The following SFMBT2 variants were observed in gnomAD, a reference collection of about 807,000 sequenced individuals.
SFMBT2 encodes the protein Scm like with four mbt domains 2.
A neutral mutation model predicts 110.1 loss-of-function variants in SFMBT2; 38 were observed. The observed-to-expected ratio is 0.35, with a 90% CI of 0.27 to 0.45. The LOEUF is 0.45. Ranked by LOEUF, SFMBT2 falls within the 20% of genes least tolerant of loss-of-function variation. The pLI, the probability that SFMBT2 is intolerant of heterozygous loss-of-function variation, is 1.00. For synonymous variants in SFMBT2, 425 were observed against 425.4 expected (o/e 1.00, Z 0.01); for missense variants, 1,011 against 1,094.9 (o/e 0.92, Z 1.08).
rs748644225 is a variant in SFMBT2 at position 7,186,459 on chromosome 10, C to CACACACACAT, written c.1808+2164_1808+2165insATGTGTGTGT. Among the ~76,000 whole-genome samples, 1,018 of 126,846 alleles carry CACACACACAT rather than the reference C, an allele frequency of 8.0e-3. 17 individuals are homozygous for CACACACACAT. Among genetic ancestry groups the CACACACACAT allele is most frequent in the African/African-American group, 0.031 (943 of 30,802 alleles). The allele number at this position is 126,846 out of a possible 152,430, so 83.2% of individuals were successfully genotyped here. A position where few individuals can be genotyped will look rare whatever the true frequency, so the allele number is the denominator to read the frequency against. ...ACACACACACACACACACACACACA[C>CACACACACAT]ATATATATATATATAAAAATATTTT... On this transcript the variant is annotated intron_variant, in intron 16 of 20. Transcript: ENST00000397167.
chr10:7,298,435 G>T (rs991136838), intron 4 of SFMBT2, among the ~76,000 whole-genome samples: 1 of 152,172 alleles, frequency 6.6e-6, no homozygotes, highest in Non-Finnish European at 1.5e-5. Flanking sequence ...CAACAGCCAG[G>T]CCAGTTCCCT....
intron 8 of SFMBT2, among the ~76,000 whole-genome samples, chr10:7,247,747 G>A (rs978895436): frequency 4.6e-5 from 7 of 152,082 alleles, no homozygotes; most frequent in African/African-American, 7.2e-5. Context: ...AACACACATC[G>A]GCCAAGAATG....
chr10:7,367,656 C>T lies in SFMBT2; in HGVS notation c.429G>A (p.Pro143=), dbSNP rs1323772461. ...TTTGAAACAGGGGCTCACCGTCCGG[C>T]GGCATCAACACCTTGTTGTTCTGTG... is the stretch of plus-strand genomic sequence containing the variant. ...WCTQNNKVLM[P]PDAIKEKYTD... Residue 143 remains proline (P), a synonymous_variant, in exon 4 of 21, where the codon CCG becomes CCA. Transcript: ENST00000397167. This position sits in a 1 kb window ranked among gnomAD's most constrained non-coding sequence, Gnocchi z 6.2. 3.1e-6 allele frequency: 5 copies of T among 1,608,808 alleles called. No individual in the cohort carries two copies. The highest frequency in any genetic ancestry group is 2.2e-5 in the South Asian group (2 of 90,940).
At chr10:7,311,644 T>C (rs1842861059) in intron 4 of SFMBT2, among the ~76,000 whole-genome samples, 1 of 152,212 alleles carries the variant, frequency 6.6e-6, no homozygotes, top group East Asian at 1.9e-4. Flanking sequence ...ACTCACGTCA[T>C]GTTGACAAAA....
At chr10:7,351,800 T>C (rs962339564) in intron 4 of SFMBT2, among the ~76,000 whole-genome samples, 13 of 151,962 alleles carry the variant, frequency 8.6e-5, no homozygotes, top group African/African-American at 3.1e-4. Context: ...TCAAGTGCCC[T>C]GCTATTAGGG....
At chr10:7,327,933 A>T (rs1452161743) in intron 4 of SFMBT2, among the ~76,000 whole-genome samples, 1 of 152,174 alleles carries the variant, frequency 6.6e-6, no homozygotes, top group Non-Finnish European at 1.5e-5. Flanking sequence ...TAAACATCTT[A>T]CCCAGGTTTT....
intron 11 of SFMBT2, among the ~76,000 whole-genome samples, chr10:7,214,333 G>A (rs565488491): frequency 8.5e-5 from 13 of 152,302 alleles, no homozygotes; most frequent in South Asian, 8.3e-4. Context: ...GCTGTGTTGC[G>A]TTCCTGTCTT....
chr10:7,307,000 C>T (rs1031974332), intron 4 of SFMBT2, among the ~76,000 whole-genome samples: 4 of 152,128 alleles, frequency 2.6e-5, no homozygotes, highest in Non-Finnish European at 4.4e-5. Context: ...ATATGGCATA[C>T]CTTAGGGCAA....
chr10:7,330,777 C>T lies in SFMBT2; in HGVS notation c.436+36872G>A, dbSNP rs138165483. On this transcript the variant is annotated intron_variant, in intron 4 of 20. Coordinates refer to ENST00000397167, the MANE Select transcript of SFMBT2 (RefSeq NM_001387889.1). Reference sequence around the variant, plus strand: ...GTCAGATGTGGTTCTTTAATTTTTGCTATTATACCTCCACAAAAACCACCT... The same window carrying T: ...GTCAGATGTGGTTCTTTAATTTTTGTTATTATACCTCCACAAAAACCACCT... 1.2e-4 allele frequency among the ~76,000 whole-genome samples: 19 copies of T among 152,256 alleles called. No homozygotes were observed. The East Asian group carries it at 1.3e-3, about 11-fold the overall frequency.
chr10:7,211,477 C>T (rs544017491), intron 11 of SFMBT2, among the ~76,000 whole-genome samples: 2 of 152,272 alleles, frequency 1.3e-5, no homozygotes, highest in African/African-American at 4.8e-5. Context: ...ACAGTCTTCC[C>T]AAATCATTCC....
chr10:7,338,815 G>T (rs1843800334), intron 4 of SFMBT2, among the ~76,000 whole-genome samples: 1 of 152,122 alleles, frequency 6.6e-6, no homozygotes, highest in Non-Finnish European at 1.5e-5. Flanking sequence ...TCCTCCCTAA[G>T]TCAGTCCTGC....
intron 9 of SFMBT2, among the ~76,000 whole-genome samples, chr10:7,234,597 C>A (rs572972175): frequency 6.6e-6 from 1 of 152,278 alleles, no homozygotes; most frequent in South Asian, 2.1e-4. Flanking sequence ...ACTATACCAA[C>A]TCTTTTCAAT....
intron 10 of SFMBT2, among the ~76,000 whole-genome samples, chr10:7,221,545 G>T (rs1393318223): frequency 6.8e-6 from 1 of 147,464 alleles, no homozygotes; most frequent in African/African-American, 2.5e-5. Context: ...CAGCCTGGGC[G>T]ACAGAGTGAG....
intron 4 of SFMBT2, among the ~76,000 whole-genome samples, chr10:7,351,870 TAAAA>T (rs796965811): frequency 7.0e-6 from 1 of 142,714 alleles, no homozygotes; most frequent in African/African-American, 2.7e-5. Flanking sequence ...CTCTTACCTG[TAAAA>T]AAAAAAATAT....
chr10:7,218,155 A>T (rs768938807), intron 11 of SFMBT2, among the ~76,000 whole-genome samples: 39 of 152,254 alleles, frequency 2.6e-4, no homozygotes, highest in Non-Finnish European at 5.1e-4. Flanking sequence ...TTATAAATTT[A>T]AAGTGTCAAA....
At chr10:7,221,245 GA>G (rs768783278) in intron 10 of SFMBT2, among the ~76,000 whole-genome samples, 116 of 152,160 alleles carry the variant, frequency 7.6e-4, no homozygotes, top group Non-Finnish European at 7.4e-5. Flanking sequence ...TCCTTTACAG[GA>G]AATGGGAAAA....
intron 4 of SFMBT2, among the ~76,000 whole-genome samples, chr10:7,341,614 C>T (rs1443173268): frequency 2.0e-5 from 3 of 152,128 alleles, no homozygotes; most frequent in South Asian, 2.1e-4. Context: ...GAAATCATTT[C>T]GTAAACAAAG....
intron 4 of SFMBT2, among the ~76,000 whole-genome samples, chr10:7,288,330 C>T (rs1364437804): frequency 1.3e-5 from 2 of 152,308 alleles, no homozygotes. Flanking sequence ...AGCCTCACCC[C>T]GCTTATAATA....
chr10:7,192,820 G>A (rs1042147599), intron 15 of SFMBT2, among the ~76,000 whole-genome samples: 2 of 152,110 alleles, frequency 1.3e-5, no homozygotes, highest in East Asian at 1.9e-4. Context: ...AGGGCCGGGG[G>A]TCCGGGGCAC....
Sources: gnomAD v4.1 joint callset for allele counts (sites outside exome capture counted in the v4.1 genomes callset) on GRCh38, gnomAD v4.1.1 for gene constraint, Gnocchi (gnomAD v3.1) non-coding constraint, MANE v1.5 for transcripts, NCBI Gene and HGNC (gene_info 2026-07-23, HGNC 2026-07-21) for gene names.